Variants in UNC13C observed in about 807,000 individuals in gnomAD.
The protein encoded by UNC13C is unc-13 homolog C, also known as protein unc-13 homolog C.
A neutral mutation model predicts 245.4 loss-of-function variants in UNC13C; 174 were observed. The ratio of observed to expected loss-of-function variants is 0.71; its 90% confidence interval spans 0.63 to 0.80. The LOEUF (loss-of-function observed/expected upper bound fraction) is 0.80, where lower values mean the gene tolerates loss of function less well. Ranked by LOEUF, UNC13C falls within the 30% of genes least tolerant of loss-of-function variation. The pLI is 0.00. For missense variants in UNC13C, 2,829 were observed against 2,602.9 expected (o/e 1.09, Z -1.89); for synonymous variants, 992 against 895.1 (o/e 1.11, Z -1.93).
the UNC13C span, among the ~76,000 whole-genome samples, chr15:53,938,849 G>A: frequency 6.6e-6 from 1 of 152,090 alleles, no homozygotes; most frequent in Non-Finnish European, 1.5e-5. Context: ...TACAACTAAA[G>A]CACTGTTAAG....
Position 54,049,193 on chromosome 15 carries a change from G to T in UNC13C, c.2983+33307G>T, listed in dbSNP as rs1287554022. 1.1e-5 allele frequency: 5 copies of T among 463,964 alleles called. No individual in the cohort carries two copies. The East Asian group carries it at 2.8e-4, about 26-fold the overall frequency. The allele number at this position is 463,964 out of a possible 1,614,324, so 28.7% of individuals were successfully genotyped here. A position where few individuals can be genotyped will look rare whatever the true frequency, so the allele number is the denominator to read the frequency against. On this transcript the variant is annotated intron_variant, in intron 2 of 32. Transcript: ENST00000260323. ...TTCCAGTTGATACCTTGAAGAAAAA[G>T]ATTATTTTTTCATCAGCTTTGTCTC... is the stretch of plus-strand genomic sequence containing the variant.
chr15:53,920,182 T>G, the UNC13C span, among the ~76,000 whole-genome samples: 59 of 152,334 alleles, frequency 3.9e-4, no homozygotes, highest in Middle Eastern at 0.01. Flanking sequence ...ATATTAAGGT[T>G]GTTTCTATAA....
intron 13 of UNC13C, among the ~76,000 whole-genome samples, chr15:54,312,221 C>T (rs1388697388): frequency 6.6e-6 from 1 of 151,052 alleles, no homozygotes; most frequent in African/African-American, 2.4e-5. Flanking sequence ...GTTTGGTGTG[C>T]ATGTGTGTGT....
intron 2 of UNC13C, among the ~76,000 whole-genome samples, chr15:54,091,641 T>C (rs1899578919): frequency 6.6e-6 from 1 of 152,164 alleles, no homozygotes; most frequent in African/African-American, 2.4e-5. Context: ...ATGGGAATAT[T>C]TTATTGTATT....
rs115756063 is a variant in UNC13C, at chr15:54,095,526, C to A, written c.2984-47492C>A. On this transcript the variant is annotated intron_variant, in intron 2 of 32. Coordinates refer to ENST00000260323, the MANE Select transcript of UNC13C (RefSeq NM_001080534.3). ...AGCATGAAAATAGTTGGCACCTATT[C>A]AGTAGATTGATATTCAGTTTGTGGT... 5.0e-3 allele frequency among the ~76,000 whole-genome samples: 760 copies of A among 152,296 alleles called. 9 individuals carry two copies. Among genetic ancestry groups the A allele is most frequent in the African/African-American group, 0.018 (729 of 41,574 alleles).
intron 4 of UNC13C, among the ~76,000 whole-genome samples, chr15:54,230,491 T>G (rs966145989): frequency 1.3e-5 from 2 of 152,080 alleles, no homozygotes; most frequent in Admixed American, 6.5e-5. Flanking sequence ...ACTTAATCAG[T>G]AAAATCAACT....
intron 14 of UNC13C, among the ~76,000 whole-genome samples, chr15:54,325,652 C>T (rs980950659): frequency 1.3e-5 from 2 of 151,788 alleles, no homozygotes; most frequent in Non-Finnish European, 2.9e-5. Context: ...TGAGTGAGAA[C>T]ATGTGGTGTT....
intron 19 of UNC13C, among the ~76,000 whole-genome samples, chr15:54,417,845 C>T (rs1458650366): frequency 6.6e-6 from 1 of 152,102 alleles, no homozygotes; most frequent in Non-Finnish European, 1.5e-5. Flanking sequence ...AGATTAGTGA[C>T]ATAATTCAGA....
chr15:53,940,989 A>G, the UNC13C span, among the ~76,000 whole-genome samples: 98 of 152,286 alleles, frequency 6.4e-4, no homozygotes, highest in Non-Finnish European at 1.1e-3. Context: ...TAAGAGCCCA[A>G]ATAGCCAAGA....
chr15:54,343,261 G>A (rs927261101), intron 17 of UNC13C, among the ~76,000 whole-genome samples: 7 of 151,936 alleles, frequency 4.6e-5, no homozygotes, highest in African/African-American at 1.7e-4. Flanking sequence ...AGCCTCCTGA[G>A]TAGCTGGGAT....
At chr15:54,002,751 C>A (rs1479682419) in intron 1 of UNC13C, among the ~76,000 whole-genome samples, 3 of 152,146 alleles carry the variant, frequency 2.0e-5, no homozygotes, top group Non-Finnish European at 2.9e-5. Flanking sequence ...GTTTCCAATT[C>A]CAGAAAATTA....
At position 54,523,283 on chromosome 15, in the gene UNC13C, G is replaced by A. The variant is rs140954851; in HGVS notation, c.5458-2266G>A. Among the ~76,000 whole-genome samples, 1,136 of 152,250 alleles carry A rather than the reference G, an allele frequency of 7.5e-3. 13 individuals are homozygous for A. The highest frequency in any genetic ancestry group is 0.026 in the African/African-American group (1,088 of 41,552). On this transcript the variant is annotated intron_variant, in intron 24 of 32. Transcript: ENST00000260323. ...TTATGCTCATTATTGAAAAAGATCT[G>A]CAATTTGAAGAGCCATGTACACTGG...
In UNC13C at chr15:54,012,775, C is replaced by T. The variant is rs953496926; in HGVS notation, c.-129C>T. 5.6e-6 allele frequency: 4 copies of T among 716,628 alleles called. No individual in the cohort carries two copies. Among genetic ancestry groups the T allele is most frequent in the Non-Finnish European group, 9.3e-6 (4 of 428,830 alleles). The allele number at this position is 716,628 out of a possible 1,614,324, so 44.4% of individuals were successfully genotyped here. ...CAGCGACAATGTGGCAGAGCCATGC[C>T]TGCCCTTCCTGCTCTTTCCAGTGAT... On this transcript the variant is annotated 5_prime_UTR_variant, in exon 2 of 33. Transcript: ENST00000260323.
the UNC13C span, among the ~76,000 whole-genome samples, chr15:53,905,452 A>G: frequency 6.6e-6 from 1 of 150,692 alleles, no homozygotes; most frequent in Non-Finnish European, 1.5e-5. Context: ...TGTTTGGTCT[A>G]AAAATAAAGA....
intron 4 of UNC13C, among the ~76,000 whole-genome samples, chr15:54,218,352 G>C (rs573837018): frequency 6.6e-6 from 1 of 151,976 alleles, no homozygotes; most frequent in Non-Finnish European, 1.5e-5. Flanking sequence ...AGGGAAGAGG[G>C]TTACCTGGGG....
the UNC13C span, chr15:53,972,874 T>C: frequency 1.3e-5 from 2 of 152,208 alleles, no homozygotes; most frequent in Non-Finnish European, 2.9e-5. Context: ...ATTTAAGACA[T>C]TCATCCTTTC....
At chr15:53,954,164 T>C in the UNC13C span, among the ~76,000 whole-genome samples, 1,478 of 152,312 alleles carry the variant, frequency 9.7e-3, 31 homozygotes, top group African/African-American at 0.033. Flanking sequence ...ATACAGAATC[T>C]CATTTAACAC....
chr15:54,626,909 A>C lies in UNC13C; in HGVS notation c.6441A>C (p.Arg2147=), dbSNP rs1183452423. ...VKDYCFARED[R]IIGMTVIQLQ... ...ATTACTGCTTTGCCAGAGAAGATCG[A>C]ATTATCGGAATGACAGTCATTCAGC... The change falls in exon 33 of 33, where the codon CGA becomes CGC. Residue 2147 remains arginine, a synonymous_variant. Transcript: ENST00000260323. The C allele has an allele frequency of 7.4e-6, 12 of 1,613,410 alleles. No individual in the cohort carries two copies. The highest frequency in any genetic ancestry group is 1.0e-5 in the Non-Finnish European group (12 of 1,179,564).
chr15:54,567,869 C>A lies in UNC13C; in HGVS notation c.6028C>A (p.Leu2010Met). The change falls in exon 30 of 33, where the codon CTG becomes ATG. Residue 2010 changes from leucine (L) to methionine (M), a missense_variant. By Grantham distance (15) the Leu-to-Met change is conservative. Coordinates refer to ENST00000260323, the MANE Select transcript of UNC13C (RefSeq NM_001080534.3). ...FLEKSPDLQSLRYALSLYTQT... is the reference protein window; with the variant it reads ...FLEKSPDLQSMRYALSLYTQT... ...GGAGAAAAGCCCAGATCTTCAGTCT[C>A]TGAGATATGCTCTCAGTCTTTATAC... 1 of 1,601,290 alleles carries A rather than the reference C, an allele frequency of 6.2e-7. No homozygotes were observed. Among genetic ancestry groups the A allele is most frequent in the Non-Finnish European group, 8.5e-7 (1 of 1,172,924 alleles).
Sources: gnomAD v4.1 joint callset for allele counts (sites outside exome capture counted in the v4.1 genomes callset) on GRCh38, gnomAD v4.1.1 for gene constraint, MANE v1.5 for transcripts, NCBI Gene and HGNC (gene_info 2026-07-23, HGNC 2026-07-21) for gene names.